Variants in PCDHGA3 observed in about 807,000 individuals in gnomAD.
The protein encoded by PCDHGA3 is protocadherin gamma-A3.
In PCDHGA3, 40 loss-of-function variants were observed where a neutral mutation model predicts 58.5. The ratio of observed to expected loss-of-function variants is 0.68; its 90% CI spans 0.53 to 0.89. The LOEUF (loss-of-function observed/expected upper bound fraction) is 0.89. Ranked by LOEUF, PCDHGA3 falls within the 40% of genes least tolerant of loss-of-function variation. The probability of loss-of-function intolerance (pLI) is 0.00; values close to 1 mark genes in which losing one functional copy is unlikely to be tolerated. For synonymous variants in PCDHGA3, 530 were observed against 525.7 expected, an observed-to-expected ratio of 1.01 and a Z score of -0.11; for missense variants, 1,223 against 1,195.9, an observed-to-expected ratio of 1.02 and a Z score of -0.33.
chr5:141,465,454 T>G (rs1031876441), intron 1 of PCDHGA3, among the ~76,000 whole-genome samples: 1 of 152,184 alleles, frequency 6.6e-6, no homozygotes, highest in African/African-American at 2.4e-5. Context: ...AAGAAAACTC[T>G]CACCAAATTG....
At chr5:141,351,815 G>C in intron 1 of PCDHGA3, 1 of 1,613,234 alleles carries the variant, frequency 6.2e-7, no homozygotes, top group Non-Finnish European at 8.5e-7. Context: ...CTTCGACCAC[G>C]AGCAGCTGCG....
rs74964649 is a variant in PCDHGA3 at position 141,370,417 on chromosome 5, G to A, written c.2424+23960G>A. On this transcript the variant is annotated intron_variant, in intron 1 of 3. Transcript: ENST00000253812. Reference sequence around the variant, plus strand: ...GGGATGGGAAATAGCTCCGGATGGAGGGGCCCAGCAGGGCAGAGGCGAATG... The same window carrying A: ...GGGATGGGAAATAGCTCCGGATGGAAGGGCCCAGCAGGGCAGAGGCGAATG... 7.3e-4 allele frequency: 1,146 copies of A among 1,570,760 alleles called. 10 individuals are homozygous for A. In the African/African-American group the frequency reaches 0.014, roughly 19 times the overall value.
chr5:141,454,076 T>A (rs190918056), intron 1 of PCDHGA3, among the ~76,000 whole-genome samples: 2 of 152,352 alleles, frequency 1.3e-5, no homozygotes, highest in East Asian at 3.8e-4. Flanking sequence ...TGATAATGTT[T>A]TCAGTGAAAT....
intron 1 of PCDHGA3, chr5:141,367,674 T>C (rs1765283740): frequency 6.6e-6 from 1 of 152,182 alleles, no homozygotes. Context: ...TGTGGGCTTG[T>C]TGAGAGAAGA....
At chr5:141,496,630 T>C (rs2099770022) in intron 2 of PCDHGA3, among the ~76,000 whole-genome samples, 1 of 152,202 alleles carries the variant, frequency 6.6e-6, no homozygotes, top group Non-Finnish European at 1.5e-5. Context: ...TCAAAAGGCT[T>C]GGGCTGCCCT....
intron 1 of PCDHGA3, chr5:141,374,687 C>G (rs1443411888): frequency 6.2e-7 from 1 of 1,609,446 alleles, no homozygotes; most frequent in African/African-American, 1.3e-5. Context: ...CACACTGGAC[C>G]GGGAAGGAGA....
chr5:141,384,922 C>T, intron 1 of PCDHGA3: 1 of 1,614,018 alleles, frequency 6.2e-7, no homozygotes, highest in Non-Finnish European at 8.5e-7. Context: ...CTTGGCCGAC[C>T]TGGGCAGCCT....
At position 141,486,250 on chromosome 5, in the gene PCDHGA3, C is replaced by T; in HGVS notation, c.2425-8557C>T. 1 of 1,614,140 alleles carries T rather than the reference C, an allele frequency of 6.2e-7. No homozygotes were observed. The highest frequency in any genetic ancestry group is 2.2e-5 in the East Asian group (1 of 44,872). On this transcript the variant is annotated intron_variant, in intron 1 of 3. Coordinates refer to ENST00000253812, the MANE Select transcript of PCDHGA3 (RefSeq NM_018916.4). The surrounding 1 kb of genome is among the most constrained non-coding windows in gnomAD (Gnocchi z 5.0). ...CAGTGACCTCAGAGCTTGGAACCCT[C>T]CCCGAGAGTGCAGAACCTGGCACTG...
At position 141,388,323 on chromosome 5, in the gene PCDHGA3, C is replaced by T. The variant is rs534112048; in HGVS notation, c.2424+41866C>T. On this transcript the variant is annotated intron_variant, in intron 1 of 3. Coordinates refer to ENST00000253812, the MANE Select transcript of PCDHGA3 (RefSeq NM_018916.4). ...TGAGCTGCAAATAAGTGAGTCTGCA[C>T]AGCCTGGCACACGATTTATATTAGG... 54 of 1,613,894 alleles carry T rather than the reference C, an allele frequency of 3.3e-5. No individual in the cohort carries two copies. In the East Asian group the frequency reaches 1.2e-3, roughly 35 times the overall value.
intron 1 of PCDHGA3, chr5:141,423,728 T>C (rs1312071121): frequency 9.4e-6 from 10 of 1,067,510 alleles, no homozygotes; most frequent in Non-Finnish European, 1.1e-5. Context: ...AGATGTTTTT[T>C]GAGCCTGTTA....
intron 1 of PCDHGA3, chr5:141,403,361 A>T (rs760277157): frequency 3.1e-6 from 5 of 1,614,050 alleles, no homozygotes; most frequent in Middle Eastern, 1.6e-4. Context: ...CCAGGCCGAA[A>T]GTCTGGAAGT....
In PCDHGA3 at chr5:141,371,998, G is replaced by T. The variant is rs893704391; in HGVS notation, c.2424+25541G>T. ...GCCTTCGAGCTCACTCTGCAGGCCCGCGACCAGGGCTCGCCTACGCTCAGC... is the reference window on the plus strand; with the variant it reads ...GCCTTCGAGCTCACTCTGCAGGCCCTCGACCAGGGCTCGCCTACGCTCAGC... On this transcript the variant is annotated intron_variant, in intron 1 of 3. Transcript: ENST00000253812. The T allele has an allele frequency of 3.1e-6, 5 of 1,613,148 alleles. No homozygotes were observed. In the African/African-American group the frequency reaches 6.7e-5, roughly 22 times the overall value.
intron 1 of PCDHGA3, chr5:141,424,475 T>C (rs1399874639): frequency 2.6e-5 from 4 of 152,234 alleles, no homozygotes; most frequent in Admixed American, 2.0e-4. Context: ...ATTCTTTTAC[T>C]TTGGTGTCTG....
At chr5:141,393,259 G>A in intron 1 of PCDHGA3, 1 of 1,613,874 alleles carries the variant, frequency 6.2e-7, no homozygotes, top group Non-Finnish European at 8.5e-7. Context: ...GCGGTTCCTG[G>A]AGCACGTTAT....
At chr5:141,352,002 GCT>G in intron 1 of PCDHGA3, 1 of 1,610,546 alleles carries the variant, frequency 6.2e-7, no homozygotes, top group Non-Finnish European at 8.5e-7. Flanking sequence ...GCAGAGCCCG[GCT>G]ACCTGGTGAC....
chr5:141,487,593 C>G lies in PCDHGA3; in HGVS notation c.2425-7214C>G. The G allele has an allele frequency of 6.2e-7, 1 of 1,614,206 alleles. No homozygotes were observed. Among genetic ancestry groups the G allele is most frequent in the African/African-American group, 1.3e-5 (1 of 75,062 alleles). On this transcript the variant is annotated intron_variant, in intron 1 of 3. Coordinates refer to ENST00000253812, the MANE Select transcript of PCDHGA3 (RefSeq NM_018916.4). This position sits in a 1 kb window ranked among gnomAD's most constrained non-coding sequence, Gnocchi z 5.0. ...CCTGTTCGCCCAAGCTGCCCACCCT[C>G]TGATCTTCTCTATGGGCTAGAGGTG...
At chr5:141,347,137 C>CTCTTTCTTTCTTTCTTTCTT (rs70988799) in intron 1 of PCDHGA3, among the ~76,000 whole-genome samples, 11,945 of 113,702 alleles carry the variant, frequency 0.11, 1,254 homozygotes, top group African/African-American at 0.17. Flanking sequence ...CTCTGTTTCT[C>CTCTTTCTTTCTTTCTTTCTT]TCTTTCTTTC....
chr5:141,460,126 T>TC (rs2098982804), intron 1 of PCDHGA3, among the ~76,000 whole-genome samples: 1 of 151,986 alleles, frequency 6.6e-6, no homozygotes, highest in South Asian at 2.1e-4. Context: ...ATATATGTAA[T>TC]ATATATATTC....
intron 2 of PCDHGA3, among the ~76,000 whole-genome samples, chr5:141,501,290 TACACAC>T (rs55762287): frequency 0.081 from 10,957 of 136,038 alleles, 480 homozygotes; most frequent in African/African-American, 0.13. Context: ...TATTCCCTTA[TACACAC>T]ACACACACAC....
Sources: gnomAD v4.1 joint callset for allele counts (sites outside exome capture counted in the v4.1 genomes callset) on GRCh38, gnomAD v4.1.1 for gene constraint, Gnocchi (gnomAD v3.1) non-coding constraint, MANE v1.5 for transcripts, NCBI Gene and HGNC (gene_info 2026-07-23, HGNC 2026-07-21) for gene names.